WIPF3: variants seen among roughly 807,000 people sequenced by gnomAD.
WIPF3 encodes the protein WAS/WASL interacting protein family member 3.
In WIPF3, 33 loss-of-function variants were observed where a neutral mutation model predicts 38.9. That is an observed-to-expected ratio of 0.85 (90% CI 0.64 to 1.14). WIPF3 has a LOEUF of 1.14. WIPF3 is among the 50% of genes most tolerant of loss of function. The pLI, the probability that WIPF3 is intolerant of heterozygous loss-of-function variation, is 0.00. For missense variants in WIPF3, 711 were observed against 652.5 expected (o/e 1.09, Z -0.98); for synonymous variants, 324 against 269.3 (o/e 1.20, Z -1.99).
At chr7:29,897,772 G>T (rs997682835) in intron 7 of WIPF3, among the ~76,000 whole-genome samples, 15 of 152,210 alleles carry the variant, frequency 9.9e-5, no homozygotes, top group Non-Finnish European at 2.1e-4. Flanking sequence ...GCGGAAGGCA[G>T]CTGGGGAGTA....
At chr7:29,899,888 A>G (rs1786238648) in intron 7 of WIPF3, among the ~76,000 whole-genome samples, 2 of 152,242 alleles carry the variant, frequency 1.3e-5, no homozygotes, top group African/African-American at 4.8e-5. Context: ...AGAAGAGACT[A>G]GAAATATGTA....
chr7:29,890,354 CA>C lies in WIPF3; in HGVS notation c.1351+965del, dbSNP rs753546656. Among the ~76,000 whole-genome samples the C allele has an allele frequency of 3.0e-3, 152 of 50,670 alleles. 1 individual carries two copies. The highest frequency in any genetic ancestry group is 0.023 in the Admixed American group (111 of 4,840). 33.2% of individuals were successfully genotyped at this position (50,670 alleles called of 152,430 possible). Reference sequence around the variant, plus strand: ...ATGACAGAGTGAGACTCTGTATCCACAAAAAAAAAAAAAAAAAAGAGAGAGA... The same window carrying C: ...ATGACAGAGTGAGACTCTGTATCCACAAAAAAAAAAAAAAAAAGAGAGAGA... On this transcript the variant is annotated intron_variant, in intron 7 of 8. Transcript: ENST00000242140.
intron 1 of WIPF3, among the ~76,000 whole-genome samples, chr7:29,807,484 T>A (rs1784301172): frequency 6.6e-6 from 1 of 152,174 alleles, no homozygotes; most frequent in Admixed American, 6.5e-5. Context: ...GCCCTGGACC[T>A]GGAGGAGCGC....
intron 2 of WIPF3, among the ~76,000 whole-genome samples, chr7:29,848,936 C>T (rs1157877404): frequency 6.6e-6 from 1 of 152,104 alleles, no homozygotes; most frequent in Non-Finnish European, 1.5e-5. Context: ...CATCAACAAC[C>T]TCACATTTAG....
intron 8 of WIPF3, among the ~76,000 whole-genome samples, chr7:29,911,367 C>G (rs1039467028): frequency 6.6e-6 from 1 of 152,038 alleles, no homozygotes; most frequent in Admixed American, 6.5e-5. Context: ...TAAACCCTAC[C>G]GAAATCTCAA....
chr7:29,905,353 T>C (rs1168395990), intron 8 of WIPF3: 1 of 152,102 alleles, frequency 6.6e-6, no homozygotes, highest in Non-Finnish European at 1.5e-5. Flanking sequence ...TGTTAACAGG[T>C]AGAGAGAATT....
chr7:29,902,217 C>G (rs2128080198), intron 7 of WIPF3, among the ~76,000 whole-genome samples: 1 of 150,892 alleles, frequency 6.6e-6, no homozygotes, highest in Middle Eastern at 3.5e-3. Flanking sequence ...CAAGGCTACC[C>G]TCTCACATGG....
chr7:29,881,727 T>G (rs890936497), intron 4 of WIPF3, among the ~76,000 whole-genome samples: 2 of 152,222 alleles, frequency 1.3e-5, no homozygotes, highest in Non-Finnish European at 2.9e-5. Flanking sequence ...GTAATGAGAC[T>G]TCCAAGGTCT....
chr7:29,839,178 A>G (rs1043126877), intron 2 of WIPF3, among the ~76,000 whole-genome samples: 4 of 152,230 alleles, frequency 2.6e-5, no homozygotes, highest in Admixed American at 6.5e-5. Flanking sequence ...GCGATGACAT[A>G]CAGTATCACT....
Position 29,884,352 on chromosome 7 carries a change from G to T in WIPF3, c.858G>T (p.Ala286=). ...AGCCCGCCAGCCCTGCGCAAGATGC[G>T]CAGGAGCCTCCCGCCCCGCCGCCCC... The part of the protein sequence containing the change: ...KAEPASPAQD[A]QEPPAPPPPL... The change falls in exon 5 of 9, where the codon GCG becomes GCT. Residue 286 remains alanine (A), a synonymous_variant. Transcript: ENST00000242140. The T allele has an allele frequency of 6.6e-7, 1 of 1,507,582 alleles. No individual in the cohort carries two copies. The highest frequency in any genetic ancestry group is 2.6e-5 in the East Asian group (1 of 38,678). The allele number at this position is 1,507,582 out of a possible 1,614,324, so 93.4% of individuals were successfully genotyped here.
At chr7:29,914,424 G>T in intron 8 of WIPF3, 69 bp from the exon 9 acceptor site, 1 of 1,291,272 alleles carries the variant, frequency 7.7e-7, no homozygotes, top group Non-Finnish European at 1.0e-6. Flanking sequence ...TGGGGGGGTG[G>T]AGGAGGAAGG....
intron 7 of WIPF3, among the ~76,000 whole-genome samples, chr7:29,900,144 T>C (rs1191474381): frequency 6.6e-6 from 1 of 151,210 alleles, no homozygotes. Context: ...TGCCATGTTG[T>C]TCAGGCTGTT....
At chr7:29,896,075 G>C (rs1046667629) in intron 7 of WIPF3, among the ~76,000 whole-genome samples, 1 of 152,148 alleles carries the variant, frequency 6.6e-6, no homozygotes, top group African/African-American at 2.4e-5. Flanking sequence ...AGGGAATGGT[G>C]AGTGAGTACT....
chr7:29,859,713 G>A (rs886385872), intron 2 of WIPF3, among the ~76,000 whole-genome samples: 4 of 152,070 alleles, frequency 2.6e-5, no homozygotes, highest in Admixed American at 6.6e-5. Context: ...GTTTCCTCTC[G>A]ATCTCAAGGG....
chr7:29,833,171 C>T (rs1342641322), intron 1 of WIPF3, among the ~76,000 whole-genome samples: 6 of 152,136 alleles, frequency 3.9e-5, no homozygotes, highest in African/African-American at 1.2e-4. Flanking sequence ...GGGGAGGAGA[C>T]AGTGGGGAGT....
chr7:29,830,824 G>C (rs144941453), intron 1 of WIPF3, among the ~76,000 whole-genome samples: 2 of 152,164 alleles, frequency 1.3e-5, no homozygotes, highest in African/African-American at 2.4e-5. Context: ...GAAGTCCCCA[G>C]TGCAGTGCTG....
In WIPF3 at chr7:29,855,971, T is replaced by C. The variant is rs73303170; in HGVS notation, c.91-19859T>C. Among the ~76,000 whole-genome samples the C allele has an allele frequency of 6.5e-3, 988 of 152,320 alleles. 9 individuals are homozygous for C. The highest frequency in any genetic ancestry group is 0.023 in the African/African-American group (950 of 41,576). ...TTTATCTGAAATTCAGATTTAACTG[T>C]GAATTCTGTATTTTATCTGGTAACC... is the stretch of plus-strand genomic sequence containing the variant. On this transcript the variant is annotated intron_variant, in intron 2 of 8. Transcript: ENST00000242140.
chr7:29,845,938 T>G (rs889103808), intron 2 of WIPF3, among the ~76,000 whole-genome samples: 1 of 152,200 alleles, frequency 6.6e-6, no homozygotes, highest in Non-Finnish European at 1.5e-5. Flanking sequence ...GCCTAAGCCT[T>G]GAAAGCCAGA....
At chr7:29,809,399 T>C (rs1177379191) in intron 1 of WIPF3, among the ~76,000 whole-genome samples, 1 of 152,242 alleles carries the variant, frequency 6.6e-6, no homozygotes, top group Non-Finnish European at 1.5e-5. Flanking sequence ...TTAGGCAAGT[T>C]TGCCTTGTCA....
Sources: gnomAD v4.1 joint callset for allele counts (sites outside exome capture counted in the v4.1 genomes callset) on GRCh38, gnomAD v4.1.1 for gene constraint, MANE v1.5 for transcripts, NCBI Gene and HGNC (gene_info 2026-07-23, HGNC 2026-07-21) for gene names.